TUSC3: variants seen among roughly 807,000 people sequenced by gnomAD.
The protein encoded by TUSC3 is dolichyl-diphosphooligosaccharide--protein glycosyltransferase subunit TUSC3.
In TUSC3, 45 loss-of-function variants were observed where a neutral mutation model predicts 44.8. The ratio of observed to expected loss-of-function variants is 1.00; its 90% CI spans 0.79 to 1.29. The LOEUF is 1.29. Among genes scored for constraint, TUSC3 ranks in the 50% most tolerant of loss-of-function variants. The pLI, the probability that TUSC3 is intolerant of heterozygous loss-of-function variation, is 0.00. For missense variants in TUSC3, 519 were observed against 437.9 expected (o/e 1.19, Z -1.65); for synonymous variants, 212 against 152.9 (o/e 1.39, Z -2.85).
intron 1 of TUSC3, among the ~76,000 whole-genome samples, chr8:15,457,076 C>A (rs1049115398): frequency 2.0e-5 from 3 of 149,472 alleles, no homozygotes; most frequent in Non-Finnish European, 4.4e-5. Flanking sequence ...GATAAAAAAC[C>A]AAACACTGCG....
At chr8:15,608,543 C>G (rs1164536834) in intron 1 of TUSC3, among the ~76,000 whole-genome samples, 6 of 152,076 alleles carry the variant, frequency 3.9e-5, no homozygotes, top group African/African-American at 1.4e-4. Flanking sequence ...TGTCCCCATC[C>G]AAATCTCATC....
chr8:15,576,279 G>GTTTTTTTTTTTTTTTTTTTTTTTTTTT (rs1175068882), intron 1 of TUSC3, among the ~76,000 whole-genome samples: 3 of 104,786 alleles, frequency 2.9e-5, no homozygotes, highest in Non-Finnish European at 2.1e-5. Flanking sequence ...TGGTCCTCTT[G>GTTTTTTTTTTTTTTTTTTTTTTTTTTT]TTTTTTTTTT....
intron 6 of TUSC3, among the ~76,000 whole-genome samples, chr8:15,705,008 T>G (rs1339861256): frequency 6.6e-6 from 1 of 152,068 alleles, no homozygotes; most frequent in Non-Finnish European, 1.5e-5. Flanking sequence ...TAGGTTTTTC[T>G]CTGTGGCATC....
chr8:15,521,592 A>G (rs1052413748), intron 2 of TUSC3, among the ~76,000 whole-genome samples: 16 of 150,816 alleles, frequency 1.1e-4, no homozygotes, highest in African/African-American at 4.0e-4. Context: ...AAAATACAGT[A>G]ACACAAACGA....
the TUSC3 span, among the ~76,000 whole-genome samples, chr8:15,799,333 C>A: frequency 2.0e-5 from 3 of 152,128 alleles, no homozygotes; most frequent in African/African-American, 4.8e-5. Flanking sequence ...TCCTTTCACA[C>A]TCAGTATAGA....
At chr8:15,506,781 T>A (rs7838067) in intron 2 of TUSC3, among the ~76,000 whole-genome samples, 136,103 of 152,168 alleles carry the variant, frequency 0.89, 61,058 homozygotes, top group Non-Finnish European at 0.93. Flanking sequence ...AGGAGCTACA[T>A]TTCAAGATGA....
the TUSC3 span, among the ~76,000 whole-genome samples, chr8:15,823,414 T>A: frequency 6.6e-6 from 1 of 152,208 alleles, no homozygotes; most frequent in Admixed American, 6.5e-5. Flanking sequence ...ATTCTATGAC[T>A]TTACATTAAG....
intron 8 of TUSC3, 111 bp downstream of exon 8, chr8:15,743,723 C>A: frequency 1.7e-6 from 2 of 1,210,550 alleles, no homozygotes; most frequent in Non-Finnish European, 1.2e-6. Flanking sequence ...AAGAAATGTT[C>A]TGGTTTGAAG....
At chr8:15,738,137 AC>A (rs1226299746) in intron 7 of TUSC3, among the ~76,000 whole-genome samples, 1 of 152,096 alleles carries the variant, frequency 6.6e-6, no homozygotes, top group African/African-American at 2.4e-5. Context: ...TAGAAAACTC[AC>A]TTTTGCAAGA....
chr8:15,694,288 C>G (rs1034136757), intron 6 of TUSC3, among the ~76,000 whole-genome samples: 3 of 151,798 alleles, frequency 2.0e-5, no homozygotes, highest in African/African-American at 7.3e-5. Flanking sequence ...ACTGAAAATA[C>G]AAAATTAGCC....
At chr8:15,689,244 T>A (rs1241487955) in intron 6 of TUSC3, 2 of 354,958 alleles carry the variant, frequency 5.6e-6, no homozygotes, top group East Asian at 1.7e-4. Flanking sequence ...ATTTTCAGGC[T>A]GGATGGGAAT....
intron 8 of TUSC3, among the ~76,000 whole-genome samples, chr8:15,747,267 T>G (rs371294524): frequency 0.015 from 2,346 of 152,176 alleles, 25 homozygotes; most frequent in Middle Eastern, 0.071. Context: ...TGTTTGATTT[T>G]CCTTATTTTC....
At chr8:15,824,760 C>G in the TUSC3 span, among the ~76,000 whole-genome samples, 12 of 152,114 alleles carry the variant, frequency 7.9e-5, no homozygotes, top group Non-Finnish European at 1.6e-4. Context: ...ATAAAAAAAA[C>G]CTATGAAGAT....
At chr8:15,756,400 C>T (rs1811930128) in intron 9 of TUSC3, among the ~76,000 whole-genome samples, 1 of 152,216 alleles carries the variant, frequency 6.6e-6, no homozygotes, top group Non-Finnish European at 1.5e-5. Flanking sequence ...AGTAGGTTCT[C>T]AATAAAAAGT....
chr8:15,840,245 G>C, the TUSC3 span, among the ~76,000 whole-genome samples: 1 of 152,128 alleles, frequency 6.6e-6, no homozygotes, highest in Non-Finnish European at 1.5e-5. Context: ...GGGAAGGAGG[G>C]AGGGAAAGCA....
At chr8:15,777,579 A>G in the TUSC3 span, among the ~76,000 whole-genome samples, 10 of 152,210 alleles carry the variant, frequency 6.6e-5, no homozygotes, top group Admixed American at 6.5e-4. Flanking sequence ...CATATAAATG[A>G]TAGTACTTCC....
intron 2 of TUSC3, among the ~76,000 whole-genome samples, chr8:15,531,394 G>A (rs1456462945): frequency 2.6e-5 from 4 of 152,152 alleles, no homozygotes; most frequent in Admixed American, 6.5e-5. Flanking sequence ...TGGGATTACA[G>A]GCACCCGCCA....
At chr8:15,459,783 A>G (rs1012561718) in intron 1 of TUSC3, among the ~76,000 whole-genome samples, 7 of 151,948 alleles carry the variant, frequency 4.6e-5, no homozygotes, top group African/African-American at 7.3e-5. Context: ...ATCCCGGTCA[A>G]TGCGAGTGCC....
chr8:15,629,287 A>G (rs1383293668), intron 2 of TUSC3, among the ~76,000 whole-genome samples: 1 of 152,102 alleles, frequency 6.6e-6, no homozygotes, highest in East Asian at 1.9e-4. Flanking sequence ...ATGAATTTCA[A>G]AGGGGCGTCT....
Sources: allele counts gnomAD v4.1 joint callset (sites outside exome capture counted in the v4.1 genomes callset), GRCh38; gene constraint gnomAD v4.1.1; transcripts MANE v1.5; gene names NCBI Gene and HGNC (gene_info 2026-07-23, HGNC 2026-07-21).